Variants in DOK6 observed in about 807,000 individuals in gnomAD.
DOK6 encodes docking protein 6.
In DOK6, 22 loss-of-function variants were observed where a neutral mutation model predicts 44.0. The ratio of observed to expected loss-of-function variants is 0.50; its 90% CI spans 0.36 to 0.71. DOK6 has a LOEUF of 0.71. Among genes scored for constraint, DOK6 ranks in the 30% least tolerant of loss-of-function variants. The probability of loss-of-function intolerance (pLI) is 0.00; values close to 1 mark genes in which losing one functional copy is unlikely to be tolerated. For missense variants in DOK6, 340 were observed against 416.4 expected, an observed-to-expected ratio of 0.82 and a Z score of 1.60; for synonymous variants, 166 against 145.5, an observed-to-expected ratio of 1.14 and a Z score of -1.01.
intron 3 of DOK6, among the ~76,000 whole-genome samples, chr18:69,654,778 T>C (rs779342245): frequency 6.6e-6 from 1 of 152,168 alleles, no homozygotes; most frequent in Non-Finnish European, 1.5e-5. Context: ...TCTAGGCTCA[T>C]TGGACACAGT....
chr18:69,544,476 GAACC>G (rs1443262110), intron 1 of DOK6, among the ~76,000 whole-genome samples: 2 of 151,582 alleles, frequency 1.3e-5, no homozygotes, highest in Non-Finnish European at 3.0e-5. Flanking sequence ...TAAAGGAGGA[GAACC>G]ACATAATGAA....
chr18:69,435,089 A>AGGAT (rs1978938751), intron 1 of DOK6, among the ~76,000 whole-genome samples: 1 of 150,172 alleles, frequency 6.7e-6, no homozygotes, highest in South Asian at 2.1e-4. Context: ...GAAGGAAGGA[A>AGGAT]GGAAAGAAGG....
intron 2 of DOK6, among the ~76,000 whole-genome samples, chr18:69,579,172 T>C (rs1042105868): frequency 6.6e-6 from 1 of 152,152 alleles, no homozygotes; most frequent in African/African-American, 2.4e-5. Flanking sequence ...CATAAACTGA[T>C]CTCCTGAAGA....
chr18:69,818,451 G>A (rs1180417430), intron 7 of DOK6, among the ~76,000 whole-genome samples: 1 of 152,152 alleles, frequency 6.6e-6, no homozygotes, highest in Non-Finnish European at 1.5e-5. Flanking sequence ...CAAATCTGAA[G>A]TCCAGGGACC....
At chr18:69,447,032 T>A (rs1197612349) in intron 1 of DOK6, among the ~76,000 whole-genome samples, 1 of 152,230 alleles carries the variant, frequency 6.6e-6, no homozygotes, top group Non-Finnish European at 1.5e-5. Context: ...GTAGTTTCTT[T>A]TGCTGTGCAG....
intron 7 of DOK6, among the ~76,000 whole-genome samples, chr18:69,835,649 A>T (rs890824470): frequency 6.6e-6 from 1 of 152,200 alleles, no homozygotes; most frequent in African/African-American, 2.4e-5. Context: ...AATGGCTAGA[A>T]GCTTACTTGT....
intron 1 of DOK6, among the ~76,000 whole-genome samples, chr18:69,409,623 T>A (rs1311221372): frequency 6.6e-6 from 1 of 152,228 alleles, no homozygotes; most frequent in Non-Finnish European, 1.5e-5. Context: ...GGAAAGTTTT[T>A]AATTCTATAA....
At chr18:69,497,388 AC>A (rs1046325915) in intron 1 of DOK6, among the ~76,000 whole-genome samples, 2 of 151,806 alleles carry the variant, frequency 1.3e-5, no homozygotes, top group East Asian at 1.9e-4. Context: ...CTCTGGAAAC[AC>A]CCCCCTCTCA....
At chr18:69,564,660 T>A in intron 2 of DOK6, 66 bp downstream of exon 2, 1 of 1,304,376 alleles carries the variant, frequency 7.7e-7, no homozygotes, top group Non-Finnish European at 1.1e-6. Flanking sequence ...GAGATATTTC[T>A]TTGATAAATG....
At chr18:69,439,645 G>A (rs1467218456) in intron 1 of DOK6, among the ~76,000 whole-genome samples, 1 of 152,136 alleles carries the variant, frequency 6.6e-6, no homozygotes, top group Non-Finnish European at 1.5e-5. Context: ...ACCAACCTAT[G>A]CTAGTTTCAA....
At chr18:69,547,722 T>C (rs1982444196) in intron 1 of DOK6, among the ~76,000 whole-genome samples, 1 of 150,878 alleles carries the variant, frequency 6.6e-6, no homozygotes. Flanking sequence ...ACACCCTTCT[T>C]AGCCTCTGGT....
intron 1 of DOK6, among the ~76,000 whole-genome samples, chr18:69,456,579 T>C (rs1164884628): frequency 1.3e-5 from 2 of 152,212 alleles, no homozygotes; most frequent in Non-Finnish European, 2.9e-5. Flanking sequence ...AGTCCATGTC[T>C]TTGCTATCAT....
intron 3 of DOK6, among the ~76,000 whole-genome samples, chr18:69,647,729 CT>C (rs1985120707): frequency 6.6e-6 from 1 of 152,092 alleles, no homozygotes; most frequent in South Asian, 2.1e-4. Context: ...AGAGAATCTG[CT>C]GGTGATCTGG....
intron 3 of DOK6, among the ~76,000 whole-genome samples, chr18:69,652,184 G>T (rs1275047022): frequency 6.6e-6 from 1 of 152,190 alleles, no homozygotes; most frequent in East Asian, 1.9e-4. Flanking sequence ...CCATGAAACA[G>T]AGAGGATTAG....
intron 1 of DOK6, among the ~76,000 whole-genome samples, chr18:69,504,841 AT>A (rs1318815589): frequency 6.6e-6 from 1 of 152,146 alleles, no homozygotes; most frequent in African/African-American, 2.4e-5. Flanking sequence ...TATTTTTCCT[AT>A]TTTCCACCAA....
At chr18:69,786,006 T>A (rs1293084104) in intron 7 of DOK6, among the ~76,000 whole-genome samples, 1 of 152,222 alleles carries the variant, frequency 6.6e-6, no homozygotes, top group African/African-American at 2.4e-5. Flanking sequence ...GGGGAAGTTA[T>A]ACTAAGTAAA....
At chr18:69,732,699 G>A (rs1342064296) in intron 5 of DOK6, among the ~76,000 whole-genome samples, 1 of 152,158 alleles carries the variant, frequency 6.6e-6, no homozygotes, top group Non-Finnish European at 1.5e-5. Flanking sequence ...GAGTACACAG[G>A]TGGAAGAATT....
At chr18:69,827,086 CAG>C (rs1480381811) in intron 7 of DOK6, among the ~76,000 whole-genome samples, 7 of 152,110 alleles carry the variant, frequency 4.6e-5, no homozygotes, top group Admixed American at 3.9e-4. Context: ...ATAGTGGAAA[CAG>C]AGTTGAAAGC....
intron 1 of DOK6, among the ~76,000 whole-genome samples, chr18:69,463,595 A>G (rs1049874282): frequency 1.3e-5 from 2 of 152,126 alleles, no homozygotes; most frequent in Non-Finnish European, 2.9e-5. Flanking sequence ...AACTCCACAG[A>G]GCACTTCCAG....
Sources: gnomAD v4.1 joint callset for allele counts (sites outside exome capture counted in the v4.1 genomes callset) on GRCh38, gnomAD v4.1.1 for gene constraint, MANE v1.5 for transcripts, NCBI Gene and HGNC (gene_info 2026-07-23, HGNC 2026-07-21) for gene names.